STAM: variants seen among roughly 807,000 people sequenced by gnomAD.
The protein encoded by STAM is signal transducing adaptor molecule.
Under a neutral mutation model 63.4 loss-of-function variants are expected in STAM, and 16 were observed. That is an observed-to-expected ratio of 0.25 (90% CI 0.17 to 0.38). The LOEUF is 0.38. Among genes scored for constraint, STAM ranks in the 10% least tolerant of loss-of-function variants. STAM has a pLI of 1.00. For missense variants in STAM, 636 were observed against 657.1 expected (o/e 0.97, Z 0.35); for synonymous variants, 238 against 223.9 (o/e 1.06, Z -0.56).
chr10:17,692,082 T>G (rs183850076), intron 5 of STAM, among the ~76,000 whole-genome samples: 2 of 152,294 alleles, frequency 1.3e-5, no homozygotes, highest in Non-Finnish European at 2.9e-5. Context: ...GGCTGTGAGG[T>G]GCCCATGAGG....
intron 2 of STAM, among the ~76,000 whole-genome samples, chr10:17,666,948 C>T (rs1834411764): frequency 6.6e-6 from 1 of 152,082 alleles, no homozygotes; most frequent in Non-Finnish European, 1.5e-5. Context: ...ATAATCGTCA[C>T]TTATTGACTA....
At chr10:17,688,200 T>C (rs782451102) in intron 5 of STAM, 27 bp downstream of exon 5, 10 of 1,461,204 alleles carry the variant, frequency 6.8e-6, no homozygotes, top group Non-Finnish European at 9.1e-6. Context: ...GTTGTGTGTG[T>C]GCTACAGTTT....
chr10:17,647,527 TA>T (rs1833566301), intron 1 of STAM, among the ~76,000 whole-genome samples: 1 of 152,020 alleles, frequency 6.6e-6, no homozygotes, highest in African/African-American at 2.4e-5. Flanking sequence ...CTTAGAGTAT[TA>T]GGAAGCAATT....
chr10:17,667,656 G>T (rs1470889342), intron 2 of STAM, among the ~76,000 whole-genome samples: 1 of 152,202 alleles, frequency 6.6e-6, no homozygotes, highest in Non-Finnish European at 1.5e-5. Context: ...GAAATAAACA[G>T]ATACTAACAG....
chr10:17,661,917 T>G (rs1564534066), intron 2 of STAM, among the ~76,000 whole-genome samples: 1 of 152,224 alleles, frequency 6.6e-6, no homozygotes, highest in Non-Finnish European at 1.5e-5. Context: ...ATCCCTTTGT[T>G]GTATTTACAT....
At chr10:17,682,872 T>C (rs879990547) in intron 2 of STAM, among the ~76,000 whole-genome samples, 3 of 152,220 alleles carry the variant, frequency 2.0e-5, no homozygotes, top group Non-Finnish European at 2.9e-5. Context: ...GTGTTTCCTT[T>C]CGGCTGTATC....
intron 8 of STAM, 93 bp downstream of exon 8, chr10:17,696,962 C>A: frequency 1.0e-6 from 1 of 993,046 alleles, no homozygotes; most frequent in Non-Finnish European, 1.5e-6. Flanking sequence ...CAGTGTTGCC[C>A]AGGCTGGAGT....
chr10:17,688,376 T>C (rs1835382133), intron 5 of STAM, among the ~76,000 whole-genome samples: 1 of 152,214 alleles, frequency 6.6e-6, no homozygotes, highest in Non-Finnish European at 1.5e-5. Flanking sequence ...AGTATTATAA[T>C]GGAATATTAA....
At chr10:17,700,160 TA>T (rs1172464925) in intron 8 of STAM, 30 bp from the exon 9 acceptor site, 20 of 1,527,582 alleles carry the variant, frequency 1.3e-5, no homozygotes, top group African/African-American at 7.0e-5. Context: ...AATGTATTAT[TA>T]AAAAAAGATA....
intron 1 of STAM, 94 bp downstream of exon 1, chr10:17,644,473 C>A: frequency 6.8e-7 from 1 of 1,469,240 alleles, no homozygotes; most frequent in Non-Finnish European, 9.4e-7. Context: ...GGGCCAGGGC[C>A]AAGGAAGAGC....
At chr10:17,656,349 CT>C (rs1833940049) in intron 1 of STAM, among the ~76,000 whole-genome samples, 2 of 150,870 alleles carry the variant, frequency 1.3e-5, no homozygotes, top group East Asian at 3.9e-4. Context: ...TTGCCCATGG[CT>C]AATACTGGAG....
At chr10:17,687,949 A>C in intron 4 of STAM, 78 bp from the exon 5 acceptor site, 1 of 1,244,956 alleles carries the variant, frequency 8.0e-7, no homozygotes, top group Non-Finnish European at 1.1e-6. Flanking sequence ...TCACTTAATA[A>C]CTTTACTATT....
At chr10:17,665,834 A>C (rs1306363874) in intron 2 of STAM, among the ~76,000 whole-genome samples, 1 of 152,012 alleles carries the variant, frequency 6.6e-6, no homozygotes, top group African/African-American at 2.4e-5. Context: ...AAACATTCTG[A>C]AATTTTTTTC....
chr10:17,706,188 G>A (rs1589111062), intron 12 of STAM, among the ~76,000 whole-genome samples: 1 of 151,760 alleles, frequency 6.6e-6, no homozygotes, highest in African/African-American at 2.4e-5. Flanking sequence ...TTTTTTACTT[G>A]GCAGTTACAG....
intron 2 of STAM, among the ~76,000 whole-genome samples, chr10:17,667,330 G>T (rs1834433959): frequency 6.6e-6 from 1 of 152,004 alleles, no homozygotes; most frequent in South Asian, 2.1e-4. Context: ...TCAACGTATT[G>T]GTCAGGTGGC....
intron 8 of STAM, among the ~76,000 whole-genome samples, chr10:17,699,140 G>A (rs1299838228): frequency 6.6e-6 from 1 of 152,074 alleles, no homozygotes; most frequent in Non-Finnish European, 1.5e-5. Context: ...AGATAGATTG[G>A]CATTCAAATC....
At chr10:17,692,139 C>G (rs923970441) in intron 5 of STAM, among the ~76,000 whole-genome samples, 2 of 152,152 alleles carry the variant, frequency 1.3e-5, no homozygotes, top group African/African-American at 2.4e-5. Flanking sequence ...GAATTTGAGG[C>G]ACCAAGAGGC....
At chr10:17,653,451 T>C (rs1833818518) in intron 1 of STAM, among the ~76,000 whole-genome samples, 1 of 152,204 alleles carries the variant, frequency 6.6e-6, no homozygotes, top group East Asian at 1.9e-4. Context: ...ATACACATTG[T>C]GGTGATACAC....
chr10:17,694,094 A>G (rs1332453458), intron 6 of STAM, among the ~76,000 whole-genome samples: 1 of 151,886 alleles, frequency 6.6e-6, no homozygotes, highest in Non-Finnish European at 1.5e-5. Context: ...CTCTTGGGTA[A>G]ATTGTCTTTT....
Sources: allele counts gnomAD v4.1 joint callset (sites outside exome capture counted in the v4.1 genomes callset), GRCh38; gene constraint gnomAD v4.1.1; transcripts MANE v1.5; gene names NCBI Gene and HGNC (gene_info 2026-07-23, HGNC 2026-07-21).